Variants in EPHA5 observed in about 807,000 individuals in gnomAD.
EPHA5 encodes the protein ephrin type-A receptor 5.
A neutral mutation model predicts 105.0 loss-of-function variants in EPHA5; 60 were observed. The observed-to-expected ratio is 0.57, with a 90% CI of 0.46 to 0.71. The LOEUF is 0.71. Among genes scored for constraint, EPHA5 ranks in the 30% least tolerant of loss-of-function variants. The probability of loss-of-function intolerance (pLI) is 0.00; values close to 1 mark genes in which losing one functional copy is unlikely to be tolerated. For missense variants in EPHA5, 1,218 were observed against 1,274.7 expected (o/e 0.96, Z 0.68); for synonymous variants, 513 against 449.1 (o/e 1.14, Z -1.80).
At chr4:65,641,030 A>T (rs1747618308) in intron 2 of EPHA5, among the ~76,000 whole-genome samples, 1 of 152,184 alleles carries the variant, frequency 6.6e-6, no homozygotes, top group South Asian at 2.1e-4. Flanking sequence ...CCAGCTGAGA[A>T]AAAGATACTT....
At chr4:65,402,165 T>C (rs1388148650) in intron 8 of EPHA5, among the ~76,000 whole-genome samples, 1 of 152,114 alleles carries the variant, frequency 6.6e-6, no homozygotes, top group African/African-American at 2.4e-5. Flanking sequence ...TTCTCCTTCC[T>C]GTTGCCTTGT....
chr4:65,395,585 T>C (rs926294300), intron 8 of EPHA5, among the ~76,000 whole-genome samples: 2 of 152,222 alleles, frequency 1.3e-5, no homozygotes, highest in Non-Finnish European at 2.9e-5. Context: ...TGTTATAGTA[T>C]TGGCTGACTT....
chr4:65,331,537 AC>A, intron 16 of EPHA5: 1 of 1,055,014 alleles, frequency 9.5e-7, no homozygotes, highest in Non-Finnish European at 1.1e-6. Context: ...AGCTACTGTT[AC>A]CTTGATATTC....
intron 5 of EPHA5, among the ~76,000 whole-genome samples, chr4:65,453,463 C>G (rs1727259997): frequency 6.6e-6 from 1 of 152,166 alleles, no homozygotes; most frequent in Non-Finnish European, 1.5e-5. Flanking sequence ...CAAGGAAAGA[C>G]AGTCTCCCAA....
In EPHA5 at chr4:65,574,691, T is replaced by C. The variant is rs1419217802; in HGVS notation, c.910+26950A>G. 2.3e-3 allele frequency among the ~76,000 whole-genome samples: 158 copies of C among 67,568 alleles called. 2 individuals are homozygous for C. Among genetic ancestry groups the C allele is most frequent in the South Asian group, 1.0e-2 (20 of 2,006 alleles). 44.3% of individuals were successfully genotyped at this position (67,568 alleles called of 152,430 possible). ...ACACATATATATACATATATATACA[T>C]ATATATACATATATATACATATATA... is the stretch of plus-strand genomic sequence containing the variant. On this transcript the variant is annotated intron_variant, in intron 3 of 16. Transcript: ENST00000613740.
intron 3 of EPHA5, among the ~76,000 whole-genome samples, chr4:65,589,188 G>A (rs7440592): frequency 0.9 from 137,648 of 152,150 alleles, 62,339 homozygotes; most frequent in Admixed American, 0.92. Flanking sequence ...AAAGTATGAA[G>A]GAAATCCAAC....
At chr4:65,522,474 C>T (rs1196294093) in intron 3 of EPHA5, among the ~76,000 whole-genome samples, 2 of 151,870 alleles carry the variant, frequency 1.3e-5, no homozygotes, top group African/African-American at 4.8e-5. Context: ...TTCTTCAAAC[C>T]TAGTCGGCCA....
At chr4:65,524,094 T>C (rs965397442) in intron 3 of EPHA5, among the ~76,000 whole-genome samples, 10 of 133,218 alleles carry the variant, frequency 7.5e-5, no homozygotes, top group African/African-American at 4.2e-4. Context: ...CTTCATTATA[T>C]TTTTTCTTTT....
intron 2 of EPHA5, among the ~76,000 whole-genome samples, chr4:65,616,692 C>A (rs1161697499): frequency 1.3e-5 from 2 of 151,912 alleles, no homozygotes; most frequent in Non-Finnish European, 2.9e-5. Context: ...GTAAATGAAG[C>A]CTCTTTGATA....
chr4:65,563,044 A>G (rs968848140), intron 3 of EPHA5, among the ~76,000 whole-genome samples: 6 of 152,006 alleles, frequency 3.9e-5, no homozygotes, highest in African/African-American at 1.4e-4. Context: ...TGCTTTAGTT[A>G]AAACCTTGTG....
chr4:65,431,856 C>T (rs4860663), intron 5 of EPHA5, among the ~76,000 whole-genome samples: 147,636 of 152,160 alleles, frequency 0.97, 71,810 homozygotes, highest in East Asian at 1. Context: ...GTATCCTCTA[C>T]AGCTAGAAAA....
At chr4:65,463,596 G>A (rs1728325523) in intron 5 of EPHA5, among the ~76,000 whole-genome samples, 1 of 152,068 alleles carries the variant, frequency 6.6e-6, no homozygotes, top group Non-Finnish European at 1.5e-5. Flanking sequence ...CTCTATTACA[G>A]TATCGCACCT....
chr4:65,582,996 T>A (rs926789249), intron 3 of EPHA5, among the ~76,000 whole-genome samples: 4 of 151,618 alleles, frequency 2.6e-5, no homozygotes, highest in South Asian at 2.1e-4. Context: ...GAGACAAGAT[T>A]TTTTTGTTTT....
Position 65,646,799 on chromosome 4 carries a change from A to G in EPHA5, c.182-3372T>C, listed in dbSNP as rs970855610. ...AATAATACTTCAATTTAAGAAAATT[A>G]AAGTAATAAAATATTTTAGTCTTAT... is the stretch of plus-strand genomic sequence containing the variant. On this transcript the variant is annotated intron_variant, in intron 1 of 16. Transcript: ENST00000613740. 1.6e-4 allele frequency among the ~76,000 whole-genome samples: 25 copies of G among 152,326 alleles called. 1 individual carries two copies. The highest frequency in any genetic ancestry group is 3.9e-4 in the East Asian group (2 of 5,186).
chr4:65,648,904 G>A (rs1367462959), intron 1 of EPHA5, among the ~76,000 whole-genome samples: 1 of 152,146 alleles, frequency 6.6e-6, no homozygotes, highest in Non-Finnish European at 1.5e-5. Context: ...ACAAAGAACA[G>A]TTTACAAAAT....
At chr4:65,407,798 C>A (rs965603855) in intron 7 of EPHA5, among the ~76,000 whole-genome samples, 1 of 151,894 alleles carries the variant, frequency 6.6e-6, no homozygotes, top group Non-Finnish European at 1.5e-5. Context: ...CTTCGTCACC[C>A]AGGCTGGAGT....
chr4:65,661,944 T>C (rs560044238), intron 1 of EPHA5, among the ~76,000 whole-genome samples: 1 of 152,302 alleles, frequency 6.6e-6, no homozygotes, highest in African/African-American at 2.4e-5. Context: ...ACACAATCTA[T>C]TCTGCAGGCA....
In EPHA5 at chr4:65,507,006, C is replaced by T. The variant is rs569508381; in HGVS notation, c.911-11463G>A. Among the ~76,000 whole-genome samples, 469 of 151,894 alleles carry T rather than the reference C, an allele frequency of 3.1e-3. 3 individuals carry two copies. Among genetic ancestry groups the T allele is most frequent in the African/African-American group, 0.011 (448 of 41,210 alleles). ...AGGGTTTCTATGGTTTTAGGTCTAA[C>T]ATTTAAGTCTTTAATCCATCTTGAA... On this transcript the variant is annotated intron_variant, in intron 3 of 16. Transcript: ENST00000613740.
At position 65,353,038 on chromosome 4, in the gene EPHA5, C is replaced by A. The variant is rs13434839; in HGVS notation, c.2235+4G>T. The A allele has an allele frequency of 6.5e-7, 1 of 1,533,078 alleles. No homozygotes were observed. Among genetic ancestry groups the A allele is most frequent in the Non-Finnish European group, 8.8e-7 (1 of 1,134,442 alleles). The allele number at this position is 1,533,078 out of a possible 1,614,324, so 95.0% of individuals were successfully genotyped here. A position where few individuals can be genotyped will look rare whatever the true frequency, so the allele number is the denominator to read the frequency against. ...TGAATAACTAAATTATTCCCCAATC[C>A]TACCTTCAAAAATGTATCTAAAGAG... On this transcript the variant is annotated splice_donor_region_variant and intron_variant, in intron 12 of 16. Transcript: ENST00000613740.
Sources: gnomAD v4.1 joint callset for allele counts (sites outside exome capture counted in the v4.1 genomes callset) on GRCh38, gnomAD v4.1.1 for gene constraint, MANE v1.5 for transcripts, NCBI Gene and HGNC (gene_info 2026-07-23, HGNC 2026-07-21) for gene names.